SCUBE3: variants seen among roughly 807,000 people sequenced by gnomAD.
SCUBE3 encodes the protein signal peptide, CUB and EGF-like domain-containing protein 3.
A neutral mutation model predicts 116.8 loss-of-function variants in SCUBE3; 33 were observed. That is an observed-to-expected ratio of 0.28 (90% CI 0.21 to 0.38). The LOEUF (loss-of-function observed/expected upper bound fraction) is 0.38, where lower values mean the gene tolerates loss of function less well. SCUBE3 is among the 10% of genes least tolerant of loss of function. SCUBE3 has a pLI of 1.00. For missense variants in SCUBE3, 1,007 were observed against 1,324.8 expected (o/e 0.76, Z 3.72); for synonymous variants, 418 against 496.9 (o/e 0.84, Z 2.11).
rs1349771276 is a variant in SCUBE3 at position 35,233,085 on chromosome 6, T to G, written c.596-100T>G. The G allele has an allele frequency of 1.7e-5, 25 of 1,498,888 alleles. No homozygotes were observed. Among genetic ancestry groups the G allele is most frequent in the Non-Finnish European group, 2.2e-5 (24 of 1,084,778 alleles). 92.8% of individuals were successfully genotyped at this position (1,498,888 alleles called of 1,614,324 possible). On this transcript the variant is annotated intron_variant, in intron 5 of 21. Transcript: ENST00000274938. The surrounding 1 kb of genome is among the most constrained non-coding windows in gnomAD (Gnocchi z 5.7). The stretch of plus-strand genomic sequence containing the variant: ...ACAGGGCTGGGAGGAAAAGGGAGTA[T>G]GGGGGAGGCAACTAGGCAAGGGGGC...
Position 35,214,467 on chromosome 6 carries a change from C to A in SCUBE3, c.49C>A (p.His17Asn). The A allele has an allele frequency of 6.6e-7, 1 of 1,509,172 alleles. No homozygotes were observed. Among genetic ancestry groups the A allele is most frequent in the Non-Finnish European group, 8.8e-7 (1 of 1,133,774 alleles). 93.5% of individuals were successfully genotyped at this position (1,509,172 alleles called of 1,614,324 possible). A position where few individuals can be genotyped will look rare whatever the true frequency, so the allele number is the denominator to read the frequency against. Residue 17 changes from histidine to asparagine, a missense_variant, in exon 1 of 22, where the codon CAC becomes AAC. By Grantham distance (68) the His-to-Asn change is moderately conservative. This residue lies in a region of SCUBE3 where 94 missense variants were observed against 92.0 expected (regional missense o/e 1.02). Transcript: ENST00000274938. The surrounding 1 kb of genome is among the most constrained non-coding windows in gnomAD (Gnocchi z 6.3). ...PGLCLLVLLV[H>N]ARAAQYSKAA... Reference sequence around the variant, plus strand: ...GCTCTGCCTGCTTGTCCTGCTGGTCCACGCCCGCGCCGCCCAGTACAGCAA... The same window carrying A: ...GCTCTGCCTGCTTGTCCTGCTGGTCAACGCCCGCGCCGCCCAGTACAGCAA...
intron 1 of SCUBE3, among the ~76,000 whole-genome samples, chr6:35,220,083 G>A (rs755392980): frequency 2.0e-5 from 3 of 152,180 alleles, no homozygotes; most frequent in Non-Finnish European, 2.9e-5. Context: ...AGCTCCTTCC[G>A]CTCCACGGTT....
Position 35,249,730 on chromosome 6 carries a change from C to T in SCUBE3, c.*1025C>T, listed in dbSNP as rs1745389343. Reference sequence around the variant, plus strand: ...CCTACAGTTGTTTTTCCCTTGTAGCCCCAGCTGGCTTGTGGGCTTCACCAA... The same window carrying T: ...CCTACAGTTGTTTTTCCCTTGTAGCTCCAGCTGGCTTGTGGGCTTCACCAA... On this transcript the variant is annotated 3_prime_UTR_variant, in exon 22 of 22. Transcript: ENST00000274938. The T allele has an allele frequency of 6.5e-6, 1 of 152,676 alleles. No homozygotes were observed. The highest frequency in any genetic ancestry group is 2.1e-4 in the South Asian group (1 of 4,818). 9.5% of individuals were successfully genotyped at this position (152,676 alleles called of 1,614,324 possible).
rs963963858 is a variant in SCUBE3, at chr6:35,249,415, T to G, written c.*710T>G. On this transcript the variant is annotated 3_prime_UTR_variant, in exon 22 of 22. Transcript: ENST00000274938. ...TGAGGAAGAGCAGCAGGCATTGTCA[T>G]GGTGAATGCCCCGCTGTAGCTCCCT... 1 of 152,260 alleles carries G rather than the reference T, an allele frequency of 6.6e-6. No homozygotes were observed. The highest frequency in any genetic ancestry group is 2.4e-5 in the African/African-American group (1 of 41,444). 9.4% of individuals were successfully genotyped at this position (152,260 alleles called of 1,614,324 possible).
At position 35,239,694 on chromosome 6, in the gene SCUBE3, C is replaced by T. The variant is rs961322842; in HGVS notation, c.830-58C>T. ...TGTCAGTGAGGGAGGGATCTTTCTCCTTGTTTGTTCTCAGCCTTTGATAGT... is the reference window on the plus strand; with the variant it reads ...TGTCAGTGAGGGAGGGATCTTTCTCTTTGTTTGTTCTCAGCCTTTGATAGT... On this transcript the variant is annotated intron_variant, in intron 7 of 21. Transcript: ENST00000274938. The surrounding 1 kb of genome is among the most constrained non-coding windows in gnomAD (Gnocchi z 4.1). 21 of 1,560,084 alleles carry T rather than the reference C, an allele frequency of 1.3e-5. No homozygotes were observed. In the Admixed American group the frequency reaches 3.5e-4, roughly 26 times the overall value.
rs923600104 is a variant in SCUBE3, at chr6:35,247,390, A to G, written c.2832+1105A>G. Among the ~76,000 whole-genome samples the G allele has an allele frequency of 9.3e-5, 14 of 150,160 alleles. No homozygotes were observed. In the Admixed American group the frequency reaches 9.4e-4, roughly 10 times the overall value. On this transcript the variant is annotated intron_variant, in intron 21 of 21. Coordinates refer to ENST00000274938, the MANE Select transcript of SCUBE3 (RefSeq NM_152753.4). Reference sequence around the variant, plus strand: ...GAGGCAGAGGTTGCAGTGAGCTGATATCATGCCATTGCACTCCAGCCTGGG... The same window carrying G: ...GAGGCAGAGGTTGCAGTGAGCTGATGTCATGCCATTGCACTCCAGCCTGGG...
At chr6:35,227,438 A>G in intron 1 of SCUBE3, 142 bp from the exon 2 acceptor site, 1 of 795,548 alleles carries the variant, frequency 1.3e-6, no homozygotes. Context: ...AATCAGAGAG[A>G]TGTGAGACAG....
rs1784059301 is a variant in SCUBE3, at chr6:35,241,668, G to A, written c.1312+9G>A. 6.3e-7 allele frequency: 1 copy of A among 1,590,128 alleles called. No individual in the cohort carries two copies. Among genetic ancestry groups the A allele is most frequent in the South Asian group, 1.1e-5 (1 of 90,612 alleles). ...GGCCCGATTTTTGCCAGGTACATGG[G>A]AGGAGGGTGCTGGAGAGCTTTGGAG... On this transcript the variant is annotated intron_variant, in intron 11 of 21. Transcript: ENST00000274938. This position sits in a 1 kb window ranked among gnomAD's most constrained non-coding sequence, Gnocchi z 4.1.
Position 35,239,011 on chromosome 6 carries a change from C to T in SCUBE3, c.830-741C>T, listed in dbSNP as rs1482405825. On this transcript the variant is annotated intron_variant, in intron 7 of 21. Coordinates refer to ENST00000274938, the MANE Select transcript of SCUBE3 (RefSeq NM_152753.4). The surrounding 1 kb of genome is among the most constrained non-coding windows in gnomAD (Gnocchi z 4.1). ...AAGGCTGCCCTCCCTGCCCCTTCCCCCAACCAGGGGTGAGTAGCCTGGGTC... is the reference window on the plus strand; with the variant it reads ...AAGGCTGCCCTCCCTGCCCCTTCCCTCAACCAGGGGTGAGTAGCCTGGGTC... Among the ~76,000 whole-genome samples the T allele has an allele frequency of 6.6e-6, 1 of 152,000 alleles. No individual in the cohort carries two copies. Among genetic ancestry groups the T allele is most frequent in the Non-Finnish European group, 1.5e-5 (1 of 67,964 alleles).
In SCUBE3 at chr6:35,217,230, G is replaced by T. The variant is rs1782941119; in HGVS notation, c.85+2727G>T. On this transcript the variant is annotated intron_variant, in intron 1 of 21. Transcript: ENST00000274938. The stretch of plus-strand genomic sequence containing the variant: ...AGGGGGTGGGTGTTTGGCGGGGGGG[G>T]GGGGGGCGGGGGGGAGGCGCGGCGG... Among the ~76,000 whole-genome samples the T allele has an allele frequency of 2.1e-4, 3 of 14,528 alleles. 1 individual carries two copies. The highest frequency in any genetic ancestry group is 4.2e-4 in the African/African-American group (3 of 7,094). 9.5% of individuals were successfully genotyped at this position (14,528 alleles called of 152,430 possible). A position where few individuals can be genotyped will look rare whatever the true frequency, so the allele number is the denominator to read the frequency against.
At chr6:35,223,291 C>T (rs1451074943) in intron 1 of SCUBE3, 1 of 152,202 alleles carries the variant, frequency 6.6e-6, no homozygotes, top group East Asian at 1.9e-4. Flanking sequence ...ACTGATGTTC[C>T]TGGAAGCCCC....
intron 7 of SCUBE3, among the ~76,000 whole-genome samples, chr6:35,238,301 C>G (rs761103240): frequency 2.6e-5 from 4 of 152,128 alleles, no homozygotes; most frequent in Non-Finnish European, 4.4e-5. Context: ...AATGGACATG[C>G]GATTCACATT....
In SCUBE3 at chr6:35,242,749, G is replaced by A. The variant is rs754680600; in HGVS notation, c.1662G>A (p.Leu554=). 1.9e-6 allele frequency: 3 copies of A among 1,613,918 alleles called. No individual in the cohort carries two copies. Among genetic ancestry groups the A allele is most frequent in the African/African-American group, 2.7e-5 (2 of 74,938 alleles). Residue 554 remains leucine, a synonymous_variant, in exon 14 of 22, where the codon CTG becomes CTA. Transcript: ENST00000274938. Reference sequence around the variant, plus strand: ...AGGTCACAAGGCTCACCCTGGAACTGGAGGCAGAGGTCAGAGCCGAAGAAA... The same window carrying A: ...AGGTCACAAGGCTCACCCTGGAACTAGAGGCAGAGGTCAGAGCCGAAGAAA... ...GKEVTRLTLE[L]EAEVRAEETT... is the part of the protein sequence containing the mutation.
At chr6:35,218,115 GA>G in intron 1 of SCUBE3, 1 of 985,094 alleles carries the variant, frequency 1.0e-6, no homozygotes, top group Non-Finnish European at 1.2e-6. Context: ...ATTGTTTTTT[GA>G]AACCTTCAGG....
At position 35,245,526 on chromosome 6, in the gene SCUBE3, G is replaced by C. The variant is rs558603295; in HGVS notation, c.2599+101G>C. 6.1e-6 allele frequency: 6 copies of C among 986,236 alleles called. No individual in the cohort carries two copies. Among genetic ancestry groups the C allele is most frequent in the Non-Finnish European group, 9.5e-6 (6 of 630,806 alleles). 61.1% of individuals were successfully genotyped at this position (986,236 alleles called of 1,614,324 possible). On this transcript the variant is annotated intron_variant, in intron 19 of 21. Coordinates refer to ENST00000274938, the MANE Select transcript of SCUBE3 (RefSeq NM_152753.4). The surrounding 1 kb of genome is among the most constrained non-coding windows in gnomAD (Gnocchi z 4.2). ...ATACAGGAAGAAATGGGGCAGTGAA[G>C]TTAGGGATCTATGAGGGTGAAATAG...
rs758556538 is a variant in SCUBE3, at chr6:35,214,488, A to T, written c.70A>T (p.Ser24Cys). Reference protein sequence around the residue: ...LLVHARAAQYSKAAQDVDECV... With the variant: ...LLVHARAAQYCKAAQDVDECV... ...GGTCCACGCCCGCGCCGCCCAGTAC[A>T]GCAAAGCCGCGCAAGGTAAGGAAGG... Residue 24 changes from serine (S) to cysteine (C), a missense_variant, in exon 1 of 22, where the codon AGC becomes TGC. This residue lies in a region of SCUBE3 where 94 missense variants were observed against 92.0 expected (regional missense o/e 1.02). Transcript: ENST00000274938. This position sits in a 1 kb window ranked among gnomAD's most constrained non-coding sequence, Gnocchi z 6.3. 42 of 1,501,084 alleles carry T rather than the reference A, an allele frequency of 2.8e-5. No individual in the cohort carries two copies. Among genetic ancestry groups the T allele is most frequent in the African/African-American group, 2.3e-4 (16 of 69,812 alleles). 93.0% of individuals were successfully genotyped at this position (1,501,084 alleles called of 1,614,324 possible).
intron 3 of SCUBE3, among the ~76,000 whole-genome samples, chr6:35,230,919 A>G (rs1783520516): frequency 6.6e-6 from 1 of 152,166 alleles, no homozygotes; most frequent in Non-Finnish European, 1.5e-5. Flanking sequence ...GCTAGCATAG[A>G]GATGGAATCA....
In SCUBE3 at chr6:35,246,273, G is replaced by A; in HGVS notation, c.2820G>A (p.Gln940=). The part of the protein sequence containing the change: ...DGRLYASENH[Q]EILKDKKLIK... ...GGCTCTATGCCTCTGAAAACCACCA[G>A]GAGATTTTAAAGGTGAATGAATATT... The change falls in exon 21 of 22, where the codon CAG becomes CAA. Residue 940 remains glutamine, a synonymous_variant. Coordinates refer to ENST00000274938, the MANE Select transcript of SCUBE3 (RefSeq NM_152753.4). 10 of 1,611,594 alleles carry A rather than the reference G, an allele frequency of 6.2e-6. No individual in the cohort carries two copies. Among genetic ancestry groups the A allele is most frequent in the Non-Finnish European group, 3.4e-6 (4 of 1,177,688 alleles).
In SCUBE3 at chr6:35,231,147, A is replaced by AG. The variant is rs982597927; in HGVS notation, c.335-572dup. Among the ~76,000 whole-genome samples, 1 of 152,102 alleles carries AG rather than the reference A, an allele frequency of 6.6e-6. No individual in the cohort carries two copies. The highest frequency in any genetic ancestry group is 1.5e-5 in the Non-Finnish European group (1 of 68,014). ...GGAATATGGCAGCAAGCCCAGGCAC[A>AG]GGGGGGAGGGGAGGAAGGACAGGGC... On this transcript the variant is annotated intron_variant, in intron 3 of 21. Transcript: ENST00000274938. The surrounding 1 kb of genome is among the most constrained non-coding windows in gnomAD (Gnocchi z 4.2).
Sources: gnomAD v4.1 joint callset for allele counts (sites outside exome capture counted in the v4.1 genomes callset) on GRCh38, gnomAD v4.1.1 for gene constraint, gnomAD v4.1.1 regional missense constraint, Gnocchi (gnomAD v3.1) non-coding constraint, MANE v1.5 for transcripts, NCBI Gene and HGNC (gene_info 2026-07-23, HGNC 2026-07-21) for gene names.